Variants in FAT3 observed in about 807,000 individuals in gnomAD.
FAT3 encodes protocadherin Fat 3.
Under a neutral mutation model 310.2 loss-of-function variants are expected in FAT3, and 95 were observed. The ratio of observed to expected loss-of-function variants is 0.31; its 90% confidence interval spans 0.26 to 0.36. The LOEUF is 0.36. Ranked by LOEUF, FAT3 falls within the 10% of genes least tolerant of loss-of-function variation. The pLI is 1.00. For missense variants in FAT3, 5,408 were observed against 5,715.6 expected (o/e 0.95, Z 1.74); for synonymous variants, 2,314 against 2,192.9 (o/e 1.06, Z -1.54).
chr11:92,857,684 C>T (rs1245698328), intron 20 of FAT3, among the ~76,000 whole-genome samples: 2 of 152,156 alleles, frequency 1.3e-5, no homozygotes, highest in South Asian at 2.1e-4. Flanking sequence ...GGATCTGTGG[C>T]ATGGCCTTTG....
intron 2 of FAT3, among the ~76,000 whole-genome samples, chr11:92,504,192 C>T (rs776971595): frequency 2.0e-5 from 3 of 152,094 alleles, no homozygotes; most frequent in Non-Finnish European, 4.4e-5. Context: ...AATGTGAGAG[C>T]CAGAAGACCA....
chr11:92,430,089 T>C (rs972266858), intron 2 of FAT3, among the ~76,000 whole-genome samples: 1 of 152,198 alleles, frequency 6.6e-6, no homozygotes, highest in Non-Finnish European at 1.5e-5. Flanking sequence ...TCATTCTTTA[T>C]TCTCTAATCT....
intron 2 of FAT3, among the ~76,000 whole-genome samples, chr11:92,518,688 A>T (rs1953580048): frequency 1.3e-5 from 2 of 152,100 alleles, no homozygotes; most frequent in South Asian, 4.1e-4. Context: ...GTTAGAACTA[A>T]TAAGTAAGTT....
At chr11:92,545,475 G>C (rs565084029) in intron 3 of FAT3, among the ~76,000 whole-genome samples, 26 of 152,096 alleles carry the variant, frequency 1.7e-4, no homozygotes, top group Admixed American at 2.0e-4. Flanking sequence ...AATATTTGTT[G>C]AATGAATAAA....
intron 2 of FAT3, among the ~76,000 whole-genome samples, chr11:92,523,285 A>G (rs1953745702): frequency 6.6e-6 from 1 of 152,168 alleles, no homozygotes; most frequent in African/African-American, 2.4e-5. Context: ...ATTCTATAGG[A>G]ACCCATTGTT....
chr11:92,534,693 G>C (rs1174359997), intron 3 of FAT3, among the ~76,000 whole-genome samples: 1 of 152,148 alleles, frequency 6.6e-6, no homozygotes, highest in Non-Finnish European at 1.5e-5. Context: ...TGGACACAGA[G>C]ACACAGACCC....
rs369740689 is a variant in FAT3 at position 92,890,836 on chromosome 11, C to T, written c.13493C>T (p.Pro4498Leu). 17 of 1,613,208 alleles carry T rather than the reference C, an allele frequency of 1.1e-5. No homozygotes were observed. Among genetic ancestry groups the T allele is most frequent in the Admixed American group, 3.3e-5 (2 of 59,934 alleles). ...CCTAGCCAGTATCTCCCTCCTCACC[C>T]ATTCCCCAACGAAACGGATTTGGTG... ...FHPSQYLPPH[P>L]FPNETDLVGP... The change falls in exon 28 of 28, where the codon CCA (proline) becomes CTA (leucine). Residue 4498 changes from proline to leucine, a missense_variant. Transcript: ENST00000525166.
intron 1 of FAT3, among the ~76,000 whole-genome samples, chr11:92,286,139 T>C (rs1024975886): frequency 6.6e-6 from 1 of 152,130 alleles, no homozygotes; most frequent in Admixed American, 6.6e-5. Flanking sequence ...AATGCGAAAC[T>C]CTCCCCAGTT....
At chr11:92,470,961 T>G (rs1288183888) in intron 2 of FAT3, among the ~76,000 whole-genome samples, 1 of 152,192 alleles carries the variant, frequency 6.6e-6, no homozygotes, top group Non-Finnish European at 1.5e-5. Flanking sequence ...CTACATTTAG[T>G]ATCATATTTT....
At chr11:92,548,821 G>A (rs371085156) in intron 3 of FAT3, among the ~76,000 whole-genome samples, 3 of 152,138 alleles carry the variant, frequency 2.0e-5, no homozygotes, top group East Asian at 3.9e-4. Context: ...TATTTTAAAT[G>A]TAATTTAAAC....
chr11:92,774,895 C>T (rs1207544499), intron 7 of FAT3, among the ~76,000 whole-genome samples: 1 of 152,174 alleles, frequency 6.6e-6, no homozygotes, highest in African/African-American at 2.4e-5. Flanking sequence ...AATCTTTGGG[C>T]TTCTCATGTG....
intron 1 of FAT3, among the ~76,000 whole-genome samples, chr11:92,333,095 A>G (rs894119606): frequency 1.3e-5 from 2 of 152,180 alleles, no homozygotes; most frequent in Non-Finnish European, 2.9e-5. Flanking sequence ...CCCAAGCACC[A>G]TATTTTTATG....
chr11:92,314,285 A>G, intron 1 of FAT3: 1 of 983,390 alleles, frequency 1.0e-6, no homozygotes, highest in Non-Finnish European at 1.2e-6. Flanking sequence ...TAAGGTTCAG[A>G]TGAGAACATG....
intron 17 of FAT3, among the ~76,000 whole-genome samples, chr11:92,840,082 G>A (rs1411582407): frequency 6.6e-6 from 1 of 152,176 alleles, no homozygotes; most frequent in Non-Finnish European, 1.5e-5. Context: ...ATATTGACTA[G>A]GAAGTTGCCA....
intron 25 of FAT3, among the ~76,000 whole-genome samples, chr11:92,888,685 G>C (rs552801825): frequency 2.0e-5 from 3 of 152,184 alleles, no homozygotes; most frequent in African/African-American, 7.2e-5. Flanking sequence ...GCCTTGGGTC[G>C]TTCTGGGCTG....
chr11:92,573,558 A>G (rs988451154), intron 3 of FAT3, among the ~76,000 whole-genome samples: 1 of 152,196 alleles, frequency 6.6e-6, no homozygotes, highest in African/African-American at 2.4e-5. Context: ...TGATCTTAAG[A>G]TGATATCATC....
chr11:92,563,347 A>G (rs2135476884), intron 3 of FAT3, among the ~76,000 whole-genome samples: 1 of 152,288 alleles, frequency 6.6e-6, no homozygotes, highest in South Asian at 2.1e-4. Context: ...TGGCCTTCCA[A>G]CTTTTTGATC....
chr11:92,634,893 G>A (rs1036775435), intron 3 of FAT3, among the ~76,000 whole-genome samples: 28 of 152,340 alleles, frequency 1.8e-4, no homozygotes, highest in Admixed American at 1.4e-3. Context: ...AGTAGGATTA[G>A]TGTGTCCTTA....
intron 2 of FAT3, among the ~76,000 whole-genome samples, chr11:92,486,656 C>G (rs893577855): frequency 6.6e-6 from 1 of 152,126 alleles, no homozygotes; most frequent in Non-Finnish European, 1.5e-5. Context: ...TTGGTTTCCT[C>G]CAGACATTTC....
Sources: allele counts gnomAD v4.1 joint callset (sites outside exome capture counted in the v4.1 genomes callset), GRCh38; gene constraint gnomAD v4.1.1; transcripts MANE v1.5; gene names NCBI Gene and HGNC (gene_info 2026-07-23, HGNC 2026-07-21).